MAMDC2: variants seen among roughly 807,000 people sequenced by gnomAD.
MAMDC2 encodes MAM domain-containing protein 2.
In MAMDC2, 57 loss-of-function variants were observed where a neutral mutation model predicts 89.8. That is an observed-to-expected ratio of 0.63 (90% CI 0.51 to 0.79). MAMDC2 has a LOEUF of 0.79. MAMDC2 is among the 30% of genes least tolerant of loss of function. The pLI, the probability that MAMDC2 is intolerant of heterozygous loss-of-function variation, is 0.00. For missense variants in MAMDC2, 800 were observed against 820.6 expected, an observed-to-expected ratio of 0.97 and a Z score of 0.31; for synonymous variants, 313 against 293.4, an observed-to-expected ratio of 1.07 and a Z score of -0.68.
chr9:70,104,460 T>A (rs955319047), intron 2 of MAMDC2, among the ~76,000 whole-genome samples: 1 of 152,182 alleles, frequency 6.6e-6, no homozygotes, highest in Non-Finnish European at 1.5e-5. Context: ...CTAGGAGAAG[T>A]GAAATTTTTA....
chr9:70,111,712 C>T (rs544915192), intron 4 of MAMDC2, among the ~76,000 whole-genome samples: 1 of 152,294 alleles, frequency 6.6e-6, no homozygotes, highest in African/African-American at 2.4e-5. Flanking sequence ...TTGCTGACTA[C>T]ACCAGTCAAG....
At chr9:70,200,130 C>T (rs971482844) in intron 11 of MAMDC2, among the ~76,000 whole-genome samples, 2 of 151,958 alleles carry the variant, frequency 1.3e-5, no homozygotes, top group Non-Finnish European at 2.9e-5. Flanking sequence ...CTTGCCCATG[C>T]CTATGTCCTG....
At chr9:70,108,169 A>G (rs766020878) in intron 2 of MAMDC2, 42 bp from the exon 3 acceptor site, 2 of 1,501,962 alleles carry the variant, frequency 1.3e-6, no homozygotes, top group Non-Finnish European at 1.8e-6. Flanking sequence ...CCAGGTTGCA[A>G]ACAAAAATTG....
At chr9:70,150,586 G>A (rs1257285751) in intron 9 of MAMDC2, among the ~76,000 whole-genome samples, 2 of 152,050 alleles carry the variant, frequency 1.3e-5, no homozygotes, top group Admixed American at 1.3e-4. Context: ...TCCTTAATAC[G>A]CTACAGTAAC....
chr9:70,141,551 T>G (rs142897337), intron 8 of MAMDC2, among the ~76,000 whole-genome samples: 77 of 152,310 alleles, frequency 5.1e-4, no homozygotes, highest in African/African-American at 1.8e-3. Context: ...CTCTACCCTC[T>G]TGGGGTCCAT....
intron 11 of MAMDC2, chr9:70,217,123 T>G: frequency 1.8e-6 from 1 of 555,628 alleles, no homozygotes; most frequent in Non-Finnish European, 3.2e-6. Flanking sequence ...AAAAGGAAAT[T>G]GGAAAGGCAA....
At chr9:70,071,335 A>G (rs1390659584) in intron 2 of MAMDC2, among the ~76,000 whole-genome samples, 2 of 152,218 alleles carry the variant, frequency 1.3e-5, no homozygotes, top group East Asian at 3.8e-4. Context: ...GGGTTCCAGA[A>G]TTCAGAATTT....
intron 9 of MAMDC2, among the ~76,000 whole-genome samples, chr9:70,167,831 A>G (rs1336828954): frequency 6.6e-6 from 1 of 152,156 alleles, no homozygotes; most frequent in East Asian, 1.9e-4. Flanking sequence ...AAATAACTGC[A>G]TTTAGGGCTT....
chr9:70,143,486 A>G (rs1276512021), intron 8 of MAMDC2, 68 bp from the exon 9 acceptor site: 95 of 1,546,538 alleles, frequency 6.1e-5, no homozygotes, highest in Middle Eastern at 5.1e-4. Flanking sequence ...TACTTTAATC[A>G]TATTTTACCA....
At chr9:70,196,027 A>G (rs547631367) in intron 11 of MAMDC2, among the ~76,000 whole-genome samples, 11 of 152,174 alleles carry the variant, frequency 7.2e-5, no homozygotes, top group Non-Finnish European at 1.6e-4. Context: ...AAGCCTAGTA[A>G]TAATGGCAGA....
At chr9:70,210,570 G>T (rs1175104741) in intron 11 of MAMDC2, among the ~76,000 whole-genome samples, 1 of 152,110 alleles carries the variant, frequency 6.6e-6, no homozygotes. Context: ...ACACTGATGG[G>T]TCTTGACTCT....
chr9:70,108,395 T>G lies in MAMDC2; in HGVS notation c.333T>G (p.Phe111Leu). The G allele has an allele frequency of 6.2e-7, 1 of 1,614,142 alleles. No homozygotes were observed. The highest frequency in any genetic ancestry group is 1.1e-5 in the South Asian group (1 of 91,078). The change falls in exon 3 of 14, where the codon TTT becomes TTG. Residue 111 changes from phenylalanine to leucine, a missense_variant. Transcript: ENST00000377182. ...NLYMRFEDESFDRLLWSAKEP... is the reference protein window; with the variant it reads ...NLYMRFEDESLDRLLWSAKEP... ...ACATGAGATTTGAAGATGAAAGCTT[T>G]GATCGCTTGCTTTGGTCAGCTAAGG... is the stretch of plus-strand genomic sequence containing the variant.
rs561238443 is a variant in MAMDC2 at position 70,196,010 on chromosome 9, G to A, written c.1652-22327G>A. On this transcript the variant is annotated intron_variant, in intron 11 of 13. Transcript: ENST00000377182. ...TTTAATGGACTCACAGTTCCACAAG[G>A]CTGGGGAAGCCTAGTAATAATGGCA... Among the ~76,000 whole-genome samples, 6 of 152,234 alleles carry A rather than the reference G, an allele frequency of 3.9e-5. No individual in the cohort carries two copies. The South Asian group carries it at 6.2e-4, about 16-fold the overall frequency.
intron 9 of MAMDC2, among the ~76,000 whole-genome samples, chr9:70,145,092 T>C (rs537844652): frequency 4.6e-5 from 7 of 152,230 alleles, no homozygotes; most frequent in Non-Finnish European, 8.8e-5. Context: ...GTTAAACTGA[T>C]TTCTAATACC....
intron 2 of MAMDC2, among the ~76,000 whole-genome samples, chr9:70,045,076 G>A (rs1353028137): frequency 1.3e-5 from 2 of 152,272 alleles, no homozygotes; most frequent in Non-Finnish European, 1.5e-5. Context: ...ATGTCTGTGA[G>A]TTGGGAAAAG....
intron 2 of MAMDC2, among the ~76,000 whole-genome samples, chr9:70,066,797 G>C (rs1827276321): frequency 6.6e-6 from 1 of 152,196 alleles, no homozygotes; most frequent in Non-Finnish European, 1.5e-5. Context: ...GGTCACAGTA[G>C]AGATAAGTGG....
chr9:70,067,293 A>T (rs558895254), intron 2 of MAMDC2, among the ~76,000 whole-genome samples: 3 of 152,306 alleles, frequency 2.0e-5, no homozygotes, highest in South Asian at 4.1e-4. Flanking sequence ...CTGTCCCACC[A>T]TCTGGAGTAA....
intron 4 of MAMDC2, among the ~76,000 whole-genome samples, chr9:70,111,785 T>C (rs1463477595): frequency 6.6e-6 from 1 of 152,180 alleles, no homozygotes; most frequent in Non-Finnish European, 1.5e-5. Flanking sequence ...GGAAGCTCAC[T>C]GAAGAGACCA....
intron 2 of MAMDC2, among the ~76,000 whole-genome samples, chr9:70,051,231 G>C (rs1383405311): frequency 6.6e-6 from 1 of 152,186 alleles, no homozygotes; most frequent in African/African-American, 2.4e-5. Context: ...GATGTAAGCT[G>C]TGTCTGGGCA....
Sources: allele counts gnomAD v4.1 joint callset (sites outside exome capture counted in the v4.1 genomes callset), GRCh38; gene constraint gnomAD v4.1.1; transcripts MANE v1.5; gene names NCBI Gene and HGNC (gene_info 2026-07-23, HGNC 2026-07-21).